The following NRG3 variants were observed in gnomAD, a reference collection of about 807,000 sequenced individuals.
NRG3 encodes neuregulin 3.
Under a neutral mutation model 66.9 loss-of-function variants are expected in NRG3, and 31 were observed. That is an observed-to-expected ratio of 0.46 (90% CI 0.35 to 0.63). The LOEUF is 0.63. Among genes scored for constraint, NRG3 ranks in the 20% least tolerant of loss-of-function variants. The pLI is 0.00. For missense variants in NRG3, 910 were observed against 878.9 expected, an observed-to-expected ratio of 1.04 and a Z score of -0.45; for synonymous variants, 393 against 359.4, an observed-to-expected ratio of 1.09 and a Z score of -1.06.
chr10:82,726,162 A>T (rs1430105904), intron 2 of NRG3, among the ~76,000 whole-genome samples: 1 of 152,172 alleles, frequency 6.6e-6, no homozygotes, highest in African/African-American at 2.4e-5. Context: ...AAATTTGGGA[A>T]AATAAATATC....
chr10:81,884,379 C>T (rs966701894), intron 1 of NRG3, among the ~76,000 whole-genome samples: 19 of 152,188 alleles, frequency 1.2e-4, no homozygotes, highest in African/African-American at 3.4e-4. Flanking sequence ...TCAGATGTTT[C>T]GGTAAAAGAT....
At chr10:82,428,548 A>C (rs2089596277) in intron 2 of NRG3, among the ~76,000 whole-genome samples, 1 of 151,966 alleles carries the variant, frequency 6.6e-6, no homozygotes, top group African/African-American at 2.4e-5. Context: ...GATTTCTAAA[A>C]TTTCATTTCA....
intron 1 of NRG3, among the ~76,000 whole-genome samples, chr10:82,263,449 C>T (rs1475486836): frequency 6.6e-6 from 1 of 152,138 alleles, no homozygotes; most frequent in Non-Finnish European, 1.5e-5. Context: ...AGATTATAGC[C>T]TTTAGCTAAT....
At chr10:82,007,303 A>C (rs10748867) in intron 1 of NRG3, among the ~76,000 whole-genome samples, 1 of 149,500 alleles carries the variant, frequency 6.7e-6, no homozygotes, top group Admixed American at 6.7e-5. Flanking sequence ...TCCACCTCCC[A>C]GGTTCAGGTG....
intron 2 of NRG3, among the ~76,000 whole-genome samples, chr10:82,687,431 T>G (rs1484423797): frequency 6.6e-6 from 1 of 152,164 alleles, no homozygotes; most frequent in Non-Finnish European, 1.5e-5. Context: ...TTTTAGTACT[T>G]CTGACTTAGC....
intron 1 of NRG3, among the ~76,000 whole-genome samples, chr10:82,289,650 C>T (rs140712458): frequency 2.9e-3 from 445 of 152,102 alleles, no homozygotes; most frequent in African/African-American, 9.9e-3. Context: ...TTTTTTGTCA[C>T]GAAGTTTTGT....
chr10:82,951,787 G>A (rs1367054523), intron 5 of NRG3, among the ~76,000 whole-genome samples: 1 of 152,048 alleles, frequency 6.6e-6, no homozygotes, highest in East Asian at 1.9e-4. Context: ...ATGTGTGCGC[G>A]GTTTATCTAC....
intron 1 of NRG3, among the ~76,000 whole-genome samples, chr10:81,985,661 A>G (rs1466104933): frequency 1.3e-5 from 2 of 152,222 alleles, no homozygotes; most frequent in East Asian, 1.9e-4. Context: ...AAGTAATGAC[A>G]GAGATTGTGT....
At chr10:82,292,918 T>C (rs2079831105) in intron 1 of NRG3, among the ~76,000 whole-genome samples, 1 of 152,222 alleles carries the variant, frequency 6.6e-6, no homozygotes. Context: ...CTTGAGGGTG[T>C]CAATGTCAAC....
At chr10:82,360,707 A>G (rs7082323) in intron 2 of NRG3, among the ~76,000 whole-genome samples, 26,961 of 152,164 alleles carry the variant, frequency 0.18, 4,323 homozygotes, top group African/African-American at 0.43. Flanking sequence ...ACTTTCTCAC[A>G]GTCCCGGAGG....
chr10:82,750,249 A>G (rs2058809674), intron 3 of NRG3, among the ~76,000 whole-genome samples: 1 of 152,148 alleles, frequency 6.6e-6, no homozygotes, highest in African/African-American at 2.4e-5. Context: ...TGAGACAGCT[A>G]TTTTCATAGA....
At chr10:82,207,630 A>G (rs2075185236) in intron 1 of NRG3, among the ~76,000 whole-genome samples, 1 of 152,192 alleles carries the variant, frequency 6.6e-6, no homozygotes, top group Non-Finnish European at 1.5e-5. Flanking sequence ...TAATTTATAA[A>G]GGAAAGAGGT....
At chr10:82,829,878 A>G (rs763447588) in intron 3 of NRG3, among the ~76,000 whole-genome samples, 8 of 152,156 alleles carry the variant, frequency 5.3e-5, no homozygotes, top group Non-Finnish European at 1.2e-4. Flanking sequence ...AGGTTGTGTC[A>G]AGGTTATAGG....
chr10:81,967,738 A>G (rs1331950079), intron 1 of NRG3, among the ~76,000 whole-genome samples: 2 of 152,124 alleles, frequency 1.3e-5, no homozygotes, highest in East Asian at 1.9e-4. Context: ...GTGTTTGGGT[A>G]GAAGAATTTT....
chr10:82,956,197 A>G (rs1353466225), intron 5 of NRG3, among the ~76,000 whole-genome samples: 1 of 151,940 alleles, frequency 6.6e-6, no homozygotes, highest in African/African-American at 2.4e-5. Flanking sequence ...CTTACATCTC[A>G]TTTCTTTCTA....
intron 1 of NRG3, among the ~76,000 whole-genome samples, chr10:82,095,102 C>G (rs2066255997): frequency 1.3e-5 from 2 of 152,080 alleles, no homozygotes; most frequent in Non-Finnish European, 2.9e-5. Flanking sequence ...TCACATCCTA[C>G]TGTGTGAAAT....
At chr10:82,216,745 A>C (rs1212652772) in intron 1 of NRG3, among the ~76,000 whole-genome samples, 1 of 152,076 alleles carries the variant, frequency 6.6e-6, no homozygotes, top group Non-Finnish European at 1.5e-5. Context: ...GAAAATAATC[A>C]TCTCTGGTGA....
At chr10:82,432,324 C>T (rs1270754949) in intron 2 of NRG3, among the ~76,000 whole-genome samples, 1 of 152,064 alleles carries the variant, frequency 6.6e-6, no homozygotes, top group Non-Finnish European at 1.5e-5. Context: ...TCAGCTCTCA[C>T]ATGTGAGTGA....
chr10:82,563,795 A>C (rs1427622643), intron 2 of NRG3, among the ~76,000 whole-genome samples: 1 of 152,180 alleles, frequency 6.6e-6, no homozygotes, highest in East Asian at 1.9e-4. Flanking sequence ...TATACAGTAC[A>C]TCATTATTAA....
Sources: allele counts gnomAD v4.1 joint callset (sites outside exome capture counted in the v4.1 genomes callset), GRCh38; gene constraint gnomAD v4.1.1; transcripts MANE v1.5; gene names NCBI Gene and HGNC (gene_info 2026-07-23, HGNC 2026-07-21).